The following ZNF44 variants were observed in gnomAD, a reference collection of about 807,000 sequenced individuals.
ZNF44 encodes the protein gonadotropin inducible transcription repressor-2.
In ZNF44, 9 loss-of-function variants were observed where a neutral mutation model predicts 11.7. That is an observed-to-expected ratio of 0.77 (90% confidence interval 0.46 to 1.35). The LOEUF (loss-of-function observed/expected upper bound fraction) is 1.35. Among genes scored for constraint, ZNF44 ranks in the 40% most tolerant of loss-of-function variants. The pLI is 0.00. For synonymous variants in ZNF44, 224 were observed against 242.7 expected, an observed-to-expected ratio of 0.92 and a Z score of 0.72; for missense variants, 696 against 743.1, an observed-to-expected ratio of 0.94 and a Z score of 0.74.
intron 1 of ZNF44, among the ~76,000 whole-genome samples, chr19:12,286,368 G>T (rs950509171): frequency 1.1e-4 from 17 of 152,180 alleles, no homozygotes; most frequent in Non-Finnish European, 1.5e-4. Flanking sequence ...GGGCGCGGTG[G>T]CTCATGCCTG....
intron 5 of ZNF44, among the ~76,000 whole-genome samples, chr19:12,253,868 A>ACT (rs1917127635): frequency 6.6e-6 from 1 of 152,016 alleles, no homozygotes; most frequent in Non-Finnish European, 1.5e-5. Context: ...AATCCCAGCT[A>ACT]CTCGGGAGGC....
chr19:12,258,331 CAAAAAAAAAAAAAAA>C (rs145891891), intron 5 of ZNF44, among the ~76,000 whole-genome samples: 4 of 41,008 alleles, frequency 9.8e-5, no homozygotes, highest in Non-Finnish European at 1.7e-4. Context: ...GATCTTGTCT[CAAAAAAAAAAAAAAA>C]AAAAAAAAAA....
chr19:12,252,029 C>CA (rs1245368474), intron 5 of ZNF44, among the ~76,000 whole-genome samples: 1 of 118,646 alleles, frequency 8.4e-6, no homozygotes, highest in Non-Finnish European at 1.7e-5. Flanking sequence ...CCAGCCTGGG[C>CA]AATAAGAGTG....
intron 1 of ZNF44, 100 bp downstream of exon 1, chr19:12,294,592 A>C (rs1193639641): frequency 6.7e-7 from 1 of 1,494,036 alleles, no homozygotes; most frequent in African/African-American, 1.4e-5. Context: ...CCCAGACCCC[A>C]AAGACGCTGC....
intron 3 of ZNF44, among the ~76,000 whole-genome samples, chr19:12,226,981 G>T (rs958619985): frequency 6.6e-6 from 1 of 151,822 alleles, no homozygotes; most frequent in Non-Finnish European, 1.5e-5. Context: ...CAGGAGAATC[G>T]CTTGAATGTA....
chr19:12,293,138 G>A (rs1212889250), intron 1 of ZNF44: 2 of 1,412,060 alleles, frequency 1.4e-6, no homozygotes, highest in African/African-American at 2.9e-5. Flanking sequence ...CCAAAGTGCT[G>A]GGATTACAGG....
At position 12,284,205 on chromosome 19, in the gene ZNF44, C is replaced by T. The variant is rs1001354418; in HGVS notation, c.4-8123G>A. The T allele has an allele frequency of 1.6e-5, 4 of 253,948 alleles. 1 individual carries two copies. Among genetic ancestry groups the T allele is most frequent in the East Asian group, 9.1e-5 (1 of 11,016 alleles). The allele number at this position is 253,948 out of a possible 1,614,324, so 15.7% of individuals were successfully genotyped here. A position where few individuals can be genotyped will look rare whatever the true frequency, so the allele number is the denominator to read the frequency against. On this transcript the variant is annotated intron_variant, in intron 1 of 3. Coordinates refer to ENST00000355684, the MANE Select transcript of ZNF44 (RefSeq NM_016264.4). ...TTTCACAGATGAAAGCCCACAAAGG[C>T]GGTATGTTCAACATGAATGCTAATC... is the stretch of plus-strand genomic sequence containing the variant.
At chr19:12,254,538 C>T (rs1014192788) in intron 5 of ZNF44, among the ~76,000 whole-genome samples, 3 of 151,916 alleles carry the variant, frequency 2.0e-5, no homozygotes, top group African/African-American at 7.3e-5. Context: ...TTCGAGACTA[C>T]TCTGGCCAAC....
At position 12,273,894 on chromosome 19, in the gene ZNF44, A is replaced by G. The variant is rs1341968705; in HGVS notation, c.361T>C (p.Tyr121His). 6.2e-7 allele frequency: 1 copy of G among 1,614,150 alleles called. No individual in the cohort carries two copies. Among genetic ancestry groups the G allele is most frequent in the East Asian group, 2.2e-5 (1 of 44,882 alleles). Residue 121 changes from tyrosine (Y) to histidine (H), a missense_variant, in exon 4 of 4, where the codon TAC (tyrosine) becomes CAC (histidine). Tyr to His is a moderately conservative substitution (Grantham distance 83). Coordinates refer to ENST00000355684, the MANE Select transcript of ZNF44 (RefSeq NM_016264.4). ...TTGTGTCCAGTATCAACTCTGATGT[A>G]GCAATTCAGGGATGAATGACCCATT... ...VIMGHSSLNCYIRVDTGHKHR... is the reference protein window; with the variant it reads ...VIMGHSSLNCHIRVDTGHKHR...
At chr19:12,240,222 T>C (rs1483686950), upstream of ZNF44, among the ~76,000 whole-genome samples, 2 of 151,882 alleles carry the variant, frequency 1.3e-5, no homozygotes, top group Non-Finnish European at 2.9e-5. Flanking sequence ...GGCAGGCAGA[T>C]CACTTGAGGT....
intron 5 of ZNF44, among the ~76,000 whole-genome samples, chr19:12,255,595 C>CA (rs1376800265): frequency 3.3e-5 from 5 of 152,072 alleles, no homozygotes; most frequent in African/African-American, 1.2e-4. Context: ...GATGCTTTCC[C>CA]AGTAAGATGA....
At chr19:12,280,798 G>C (rs996581728) in intron 1 of ZNF44, among the ~76,000 whole-genome samples, 14 of 152,112 alleles carry the variant, frequency 9.2e-5, no homozygotes, top group South Asian at 2.1e-4. Context: ...AAATTTGGAA[G>C]ACCTATATTA....
intron 5 of ZNF44, among the ~76,000 whole-genome samples, chr19:12,255,414 G>A (rs544492936): frequency 6.6e-6 from 1 of 152,000 alleles, no homozygotes. Context: ...AAACAAAGAG[G>A]ACAGAAATTA....
At chr19:12,251,801 C>A (rs1917007971) in intron 5 of ZNF44, among the ~76,000 whole-genome samples, 1 of 152,026 alleles carries the variant, frequency 6.6e-6, no homozygotes, top group Non-Finnish European at 1.5e-5. Context: ...CCTGTAATCC[C>A]AGCACTTTGG....
intron 1 of ZNF44, among the ~76,000 whole-genome samples, chr19:12,236,546 A>T (rs201651356): frequency 6.6e-6 from 1 of 152,344 alleles, no homozygotes; most frequent in East Asian, 1.9e-4. Context: ...ACATACAGGT[A>T]ATAGAAACCA....
In ZNF44 at chr19:12,227,901, A is replaced by G. The variant is rs1389636658; in HGVS notation, n.437-1374T>C. 2.6e-5 allele frequency among the ~76,000 whole-genome samples: 4 copies of G among 152,226 alleles called. No individual in the cohort carries two copies. The East Asian group carries it at 7.7e-4, about 29-fold the overall frequency. ...ATTATAGTAGTGTGCTATGAATATT[A>G]AACTCCATTTTTAATAAAACCTTGT... On this transcript the variant is annotated intron_variant and non_coding_transcript_variant, in intron 3 of 3. Transcript: ENST00000597563.
Position 12,272,177 on chromosome 19 carries a change from C to T in ZNF44, c.*230G>A, listed in dbSNP as rs574094682. 1.1e-3 allele frequency: 575 copies of T among 525,358 alleles called. 1 individual carries two copies. The highest frequency in any genetic ancestry group is 1.3e-3 in the African/African-American group (64 of 48,370). The allele number at this position is 525,358 out of a possible 1,614,324, so 32.5% of individuals were successfully genotyped here. On this transcript the variant is annotated 3_prime_UTR_variant, in exon 4 of 4. Coordinates refer to ENST00000355684, the MANE Select transcript of ZNF44 (RefSeq NM_016264.4). ...ATGCCTGGCTATTTTTTTTTTTTTC[C>T]GTATTTTTAGTAGAGACAGGGTTTC...
chr19:12,238,744 C>T (rs531737332), upstream of ZNF44, among the ~76,000 whole-genome samples: 5 of 152,176 alleles, frequency 3.3e-5, no homozygotes, highest in South Asian at 2.1e-4. Context: ...TGCAGTGAGC[C>T]GAGATCGTGC....
At chr19:12,243,791 A>T (rs1306624836), downstream of ZNF44, among the ~76,000 whole-genome samples, 5 of 152,092 alleles carry the variant, frequency 3.3e-5, no homozygotes, top group Non-Finnish European at 7.4e-5. Flanking sequence ...CACCAACAGT[A>T]TACAAAGCTT....
Sources: allele counts gnomAD v4.1 joint callset (sites outside exome capture counted in the v4.1 genomes callset), GRCh38; gene constraint gnomAD v4.1.1; transcripts MANE v1.5; gene names NCBI Gene and HGNC (gene_info 2026-07-23, HGNC 2026-07-21).